The following JAKMIP3 variants were observed in gnomAD, a reference collection of about 807,000 sequenced individuals.
The protein encoded by JAKMIP3 is janus kinase and microtubule-interacting protein 3.
JAKMIP3 carries 58 observed loss-of-function variants against 118.5 expected under a neutral mutation model. The ratio of observed to expected loss-of-function variants is 0.49; its 90% CI spans 0.40 to 0.61. The LOEUF (loss-of-function observed/expected upper bound fraction) is 0.61. JAKMIP3 is among the 20% of genes least tolerant of loss of function. The pLI, the probability that JAKMIP3 is intolerant of heterozygous loss-of-function variation, is 0.00. For missense variants in JAKMIP3, 950 were observed against 1,109.0 expected, an observed-to-expected ratio of 0.86 and a Z score of 2.04; for synonymous variants, 486 against 451.2, an observed-to-expected ratio of 1.08 and a Z score of -0.98.
rs1442556022 is a variant in JAKMIP3 at position 132,149,997 on chromosome 10, G to A, written c.1963G>A (p.Glu655Lys). The part of the protein sequence containing the change: ...AEGVTDIVVA[E>K]LMKKLDILGD... ...TGTGCCTTAGGACATTGTGGTTGCG[G>A]AGCTGATGAAGAAGCTGGACATCCT... The change falls in exon 16 of 24, where the codon GAG becomes AAG. Residue 655 changes from glutamate to lysine, a missense_variant. By Grantham distance (56) the Glu-to-Lys change is moderately conservative. Coordinates refer to ENST00000684848, the MANE Select transcript of JAKMIP3 (RefSeq NM_001323087.2). 2 of 1,585,048 alleles carry A rather than the reference G, an allele frequency of 1.3e-6. No individual in the cohort carries two copies. Among genetic ancestry groups the A allele is most frequent in the Admixed American group, 1.8e-5 (1 of 55,934 alleles).
rs1304537946 is a variant in JAKMIP3, at chr10:132,109,432, A to G, written c.135+4489A>G. The stretch of plus-strand genomic sequence containing the variant: ...CGAATGACCTCATTTGGGTTCAAAT[A>G]TAAGCAAACTAGAAGCTCTCCGCCC... On this transcript the variant is annotated intron_variant, in intron 2 of 23. Coordinates refer to ENST00000684848, the MANE Select transcript of JAKMIP3 (RefSeq NM_001323087.2). 2.0e-5 allele frequency among the ~76,000 whole-genome samples: 3 copies of G among 152,342 alleles called. No homozygotes were observed. The East Asian group carries it at 5.8e-4, about 29-fold the overall frequency.
chr10:132,139,218 G>A (rs918439570), intron 9 of JAKMIP3, among the ~76,000 whole-genome samples: 1 of 125,454 alleles, frequency 8.0e-6, no homozygotes, highest in Non-Finnish European at 1.7e-5. Context: ...GTGTATGTGT[G>A]TACATGTGAG....
Position 132,067,552 on chromosome 10 carries a change from T to C in JAKMIP3, c.-138+1491T>C, listed in dbSNP as rs540982377. The stretch of plus-strand genomic sequence containing the variant: ...ATCGAGCTCCTCCAAGAGAAGTAAG[T>C]GTCCTATACATGTTCTTGGAAGGTT... On this transcript the variant is annotated intron_variant, in intron 1 of 23. Coordinates refer to ENST00000684848, the MANE Select transcript of JAKMIP3 (RefSeq NM_001323087.2). Among the ~76,000 whole-genome samples the C allele has an allele frequency of 6.6e-5, 10 of 152,386 alleles. No individual in the cohort carries two copies. The East Asian group carries it at 1.7e-3, about 26-fold the overall frequency.
chr10:132,043,468 G>A (rs772875232), intron 1 of JAKMIP3, among the ~76,000 whole-genome samples: 18 of 152,178 alleles, frequency 1.2e-4, no homozygotes, highest in Non-Finnish European at 2.6e-4. Flanking sequence ...GCTTTTCTAG[G>A]TTGAAGTCTG....
intron 3 of JAKMIP3, among the ~76,000 whole-genome samples, chr10:132,126,072 C>G (rs914203258): frequency 6.6e-6 from 1 of 152,180 alleles, no homozygotes; most frequent in Non-Finnish European, 1.5e-5. Context: ...ATCCCGAAGA[C>G]AGTTTAAGTC....
At chr10:132,164,002 C>T (rs1353522765) in intron 20 of JAKMIP3, among the ~76,000 whole-genome samples, 4 of 152,238 alleles carry the variant, frequency 2.6e-5, no homozygotes, top group African/African-American at 9.6e-5. Context: ...CCCAGCTTCT[C>T]CGTGAGCCAG....
At chr10:132,180,762 T>TGTGC (rs1554963465) in intron 23 of JAKMIP3, among the ~76,000 whole-genome samples, 1 of 22,124 alleles carries the variant, frequency 4.5e-5, no homozygotes, top group Admixed American at 4.9e-4. Context: ...CGTGTGTGCG[T>TGTGC]GTGTGTGCGT....
chr10:132,159,572 G>GCC (rs2057656583), intron 19 of JAKMIP3, among the ~76,000 whole-genome samples: 1 of 36,526 alleles, frequency 2.7e-5, no homozygotes, highest in African/African-American at 9.8e-5. Context: ...GGGGGGGCGT[G>GCC]TCTCCCTGTG....
rs757116055 is a variant in JAKMIP3 at position 132,167,967 on chromosome 10, G to A, written c.*37G>A. The A allele has an allele frequency of 1.6e-5, 21 of 1,289,354 alleles. No homozygotes were observed. Among genetic ancestry groups the A allele is most frequent in the African/African-American group, 7.6e-5 (5 of 65,928 alleles). 79.9% of individuals were successfully genotyped at this position (1,289,354 alleles called of 1,614,324 possible). A position where few individuals can be genotyped will look rare whatever the true frequency, so the allele number is the denominator to read the frequency against. ...ATTTCTTCCAGCCCCACATTGAATCGGACCCTTTTCCTCCAGTGGGACCAG... is the reference window on the plus strand; with the variant it reads ...ATTTCTTCCAGCCCCACATTGAATCAGACCCTTTTCCTCCAGTGGGACCAG... On this transcript the variant is annotated 3_prime_UTR_variant, in exon 23 of 24. Transcript: ENST00000684848.
At chr10:132,048,903 G>A (rs956676746) in intron 1 of JAKMIP3, among the ~76,000 whole-genome samples, 1 of 152,112 alleles carries the variant, frequency 6.6e-6, no homozygotes. Context: ...GCCTCCCAAA[G>A]TGCTGGGATT....
chr10:132,056,260 T>C lies in JAKMIP3; in HGVS notation c.-138+19522T>C, dbSNP rs1346877795. Among the ~76,000 whole-genome samples, 4 of 152,190 alleles carry C rather than the reference T, an allele frequency of 2.6e-5. No homozygotes were observed. The East Asian group carries it at 7.7e-4, about 29-fold the overall frequency. ...CACATTGCCACCGGGCTGTAAAGCT[T>C]GTCCGTGGCCTGTGGAGGTGATGGG... is the stretch of plus-strand genomic sequence containing the variant. On this transcript the variant is annotated intron_variant, in intron 1 of 23. Transcript: ENST00000657785.
intron 2 of JAKMIP3, among the ~76,000 whole-genome samples, chr10:132,111,331 A>G (rs1000793816): frequency 7.4e-5 from 10 of 134,440 alleles, no homozygotes; most frequent in African/African-American, 2.9e-4. Flanking sequence ...CTGCTGAGGA[A>G]GTGGCCTTGG....
intron 1 of JAKMIP3, among the ~76,000 whole-genome samples, chr10:132,081,548 G>A (rs2041762438): frequency 6.6e-6 from 1 of 152,188 alleles, no homozygotes; most frequent in African/African-American, 2.4e-5. Context: ...AGTCTTGTCT[G>A]TTCTTATCCC....
intron 1 of JAKMIP3, among the ~76,000 whole-genome samples, chr10:132,082,617 CTT>C (rs35885995): frequency 1.4e-5 from 2 of 146,952 alleles, no homozygotes; most frequent in African/African-American, 5.0e-5. Flanking sequence ...CAGTTTCTTT[CTT>C]TTTTTTTTTG....
chr10:132,079,919 G>T (rs2041501785), intron 1 of JAKMIP3, among the ~76,000 whole-genome samples: 1 of 152,338 alleles, frequency 6.6e-6, no homozygotes, highest in African/African-American at 2.4e-5. Context: ...ATCTGTCAAG[G>T]GACATTTGGG....
chr10:132,153,139 T>C, intron 17 of JAKMIP3, 116 bp downstream of exon 17: 6 of 782,108 alleles, frequency 7.7e-6, no homozygotes, highest in Non-Finnish European at 1.3e-5. Flanking sequence ...GTTTGGGGGG[T>C]CCACTAAGCC....
intron 19 of JAKMIP3, among the ~76,000 whole-genome samples, chr10:132,158,575 G>T (rs2057365001): frequency 6.6e-6 from 1 of 152,212 alleles, no homozygotes; most frequent in Admixed American, 6.5e-5. Context: ...CAGGATTAAT[G>T]GCCCCTACTC....
At chr10:132,072,118 A>G (rs1215406095) in intron 1 of JAKMIP3, among the ~76,000 whole-genome samples, 1 of 151,918 alleles carries the variant, frequency 6.6e-6, no homozygotes, top group African/African-American at 2.4e-5. Flanking sequence ...TGCCCGGCTA[A>G]TTTTTATACT....
At chr10:132,159,351 C>T (rs1589984453) in intron 19 of JAKMIP3, among the ~76,000 whole-genome samples, 10 of 89,562 alleles carry the variant, frequency 1.1e-4, no homozygotes, top group Admixed American at 3.3e-4. Flanking sequence ...GCTGAGGGGG[C>T]CTCTCCCTGT....
Sources: allele counts gnomAD v4.1 joint callset (sites outside exome capture counted in the v4.1 genomes callset), GRCh38; gene constraint gnomAD v4.1.1; transcripts MANE v1.5; gene names NCBI Gene and HGNC (gene_info 2026-07-23, HGNC 2026-07-21).